Variants in LYN observed in about 807,000 individuals in gnomAD.
The protein encoded by LYN is LYN proto-oncogene, Src family tyrosine kinase.
In LYN, 12 loss-of-function variants were observed where a neutral mutation model predicts 65.0. The observed-to-expected ratio is 0.18, with a 90% CI of 0.12 to 0.30. The LOEUF (loss-of-function observed/expected upper bound fraction) is 0.30, where lower values mean the gene tolerates loss of function less well. Ranked by LOEUF, LYN falls within the 10% of genes least tolerant of loss-of-function variation. The pLI is 1.00. For synonymous variants in LYN, 222 were observed against 221.2 expected, an observed-to-expected ratio of 1.00 and a Z score of -0.03; for missense variants, 380 against 623.2, an observed-to-expected ratio of 0.61 and a Z score of 4.16.
At chr8:55,987,326 C>T (rs551852674) in intron 10 of LYN, among the ~76,000 whole-genome samples, 3 of 151,116 alleles carry the variant, frequency 2.0e-5, no homozygotes, top group Admixed American at 6.6e-5. Context: ...AAGAATTGCT[C>T]GAGCCCCGGA....
At chr8:55,899,248 ATATTCT>A (rs1805195635) in intron 1 of LYN, among the ~76,000 whole-genome samples, 1 of 152,178 alleles carries the variant, frequency 6.6e-6, no homozygotes. Context: ...TGTAATATTG[ATATTCT>A]TGTTATTGAT....
At chr8:55,972,433 G>T (rs1807635247) in intron 10 of LYN, among the ~76,000 whole-genome samples, 1 of 152,120 alleles carries the variant, frequency 6.6e-6, no homozygotes, top group African/African-American at 2.4e-5. Flanking sequence ...TGAGAAAGGG[G>T]TCTTACCCTT....
At chr8:55,913,320 G>T (rs1263266625) in intron 1 of LYN, among the ~76,000 whole-genome samples, 1 of 152,196 alleles carries the variant, frequency 6.6e-6, no homozygotes, top group East Asian at 1.9e-4. Context: ...TAAGTCAAGT[G>T]AGTATAAGAA....
rs139072307 is a variant in LYN at position 55,914,099 on chromosome 8, G to GGT, written c.-5-27740_-5-27739dup. On this transcript the variant is annotated intron_variant, in intron 1 of 12. Coordinates refer to ENST00000519728, the MANE Select transcript of LYN (RefSeq NM_002350.4). ...AATGGAGAGGTGGAGGGTTGTTGTT[G>GGT]GTGTGTGTGTGTGTGTGCACGTATG... Among the ~76,000 whole-genome samples the GGT allele has an allele frequency of 5.1e-3, 774 of 150,542 alleles. 3 individuals carry two copies. The highest frequency in any genetic ancestry group is 0.014 in the South Asian group (67 of 4,746).
At chr8:55,986,217 A>G (rs1808070145) in intron 10 of LYN, among the ~76,000 whole-genome samples, 1 of 147,422 alleles carries the variant, frequency 6.8e-6, no homozygotes, top group African/African-American at 2.5e-5. Context: ...TACCTTATGT[A>G]TATGCTAAGG....
chr8:55,927,538 A>G (rs1431306290), intron 1 of LYN, among the ~76,000 whole-genome samples: 1 of 152,176 alleles, frequency 6.6e-6, no homozygotes, highest in Non-Finnish European at 1.5e-5. Context: ...TTTGTCAATT[A>G]GGAATAAAGC....
At chr8:55,948,636 A>G (rs1372531304) in intron 4 of LYN, among the ~76,000 whole-genome samples, 1 of 152,198 alleles carries the variant, frequency 6.6e-6, no homozygotes, top group Non-Finnish European at 1.5e-5. Context: ...ATTAAATGTC[A>G]CTGTGACCTG....
chr8:55,952,070 C>T lies in LYN; in HGVS notation c.592C>T (p.Arg198Ter). 1 of 1,605,756 alleles carries T rather than the reference C, an allele frequency of 6.2e-7. No individual in the cohort carries two copies. The highest frequency in any genetic ancestry group is 8.5e-7 in the Non-Finnish European group (1 of 1,177,576). Reference protein sequence around the residue: ...LDNGGYYISPRITFPCISDMI... With the variant: ...LDNGGYYISP ...TAATGGGGGCTATTACATCTCTCCA[C>T]GAATCACTTTTCCCTGTATCAGCGA... is the stretch of plus-strand genomic sequence containing the variant. Residue 198 changes from arginine to a stop codon, truncating the protein, a stop_gained, in exon 7 of 13, where the codon CGA becomes TGA. Coordinates refer to ENST00000519728, the MANE Select transcript of LYN (RefSeq NM_002350.4). LOFTEE classifies it high-confidence loss of function.
At chr8:55,923,679 ACAGG>A (rs1806007430) in intron 1 of LYN, among the ~76,000 whole-genome samples, 1 of 152,048 alleles carries the variant, frequency 6.6e-6, no homozygotes, top group Non-Finnish European at 1.5e-5. Context: ...AGCTGGGATT[ACAGG>A]CGCCTGCTGC....
chr8:55,917,188 AAG>A (rs200328994), intron 1 of LYN, among the ~76,000 whole-genome samples: 1 of 150,996 alleles, frequency 6.6e-6, no homozygotes, highest in Non-Finnish European at 1.5e-5. Context: ...AAAAAAAAAA[AAG>A]AGAGAGAGAG....
At position 55,918,684 on chromosome 8, in the gene LYN, G is replaced by C. The variant is rs557304564; in HGVS notation, c.-5-23171G>C. Among the ~76,000 whole-genome samples, 10 of 152,268 alleles carry C rather than the reference G, an allele frequency of 6.6e-5. No individual in the cohort carries two copies. In the South Asian group the frequency reaches 1.9e-3, roughly 28 times the overall value. ...CGGTTAATCCTTACTATGGCCTTGCGGGGTAGGGGGCAGTGTCCTCATTGT... is the reference window on the plus strand; with the variant it reads ...CGGTTAATCCTTACTATGGCCTTGCCGGGTAGGGGGCAGTGTCCTCATTGT... On this transcript the variant is annotated intron_variant, in intron 1 of 12. Transcript: ENST00000519728.
chr8:56,002,700 G>C (rs1054161274), intron 12 of LYN, among the ~76,000 whole-genome samples: 9 of 151,870 alleles, frequency 5.9e-5, no homozygotes, highest in African/African-American at 1.9e-4. Context: ...ATAAAAATAT[G>C]TTTCTCTCTA....
chr8:55,920,763 T>TC (rs1193646013), intron 1 of LYN, among the ~76,000 whole-genome samples: 4 of 49,656 alleles, frequency 8.1e-5, no homozygotes, highest in Admixed American at 2.1e-4. Flanking sequence ...GCTCCGCCCC[T>TC]CCCCCCCTTG....
At chr8:55,917,570 T>C (rs908602746) in intron 1 of LYN, among the ~76,000 whole-genome samples, 3 of 152,172 alleles carry the variant, frequency 2.0e-5, no homozygotes, top group Admixed American at 6.5e-5. Context: ...AGGATAGTGC[T>C]AATGAACTGT....
intron 8 of LYN, among the ~76,000 whole-genome samples, chr8:55,956,402 G>C (rs1234977185): frequency 6.6e-6 from 1 of 152,134 alleles, no homozygotes; most frequent in Admixed American, 6.5e-5. Flanking sequence ...CCTGTCAGGA[G>C]GCATAGTATT....
At chr8:55,909,232 A>AG (rs1417065254) in intron 1 of LYN, among the ~76,000 whole-genome samples, 1 of 152,030 alleles carries the variant, frequency 6.6e-6, no homozygotes, top group Non-Finnish European at 1.5e-5. Context: ...GTGATGGGCC[A>AG]GGGTGCGACT....
chr8:56,003,523 C>A (rs1243611826), intron 12 of LYN, among the ~76,000 whole-genome samples: 1 of 151,996 alleles, frequency 6.6e-6, no homozygotes, highest in Non-Finnish European at 1.5e-5. Flanking sequence ...AAAAAATTAG[C>A]CCGGCGTGGT....
At chr8:55,902,827 CA>C (rs1180734217) in intron 1 of LYN, 1 of 498,918 alleles carries the variant, frequency 2.0e-6, no homozygotes, top group Non-Finnish European at 4.0e-6. Flanking sequence ...CCTTGATCAA[CA>C]GTGCCCATTC....
intron 10 of LYN, among the ~76,000 whole-genome samples, chr8:55,983,012 G>A (rs953817137): frequency 2.0e-5 from 3 of 151,800 alleles, no homozygotes; most frequent in South Asian, 2.1e-4. Flanking sequence ...CATGTCACAC[G>A]CACCTGGTAA....
Sources: allele counts gnomAD v4.1 joint callset (sites outside exome capture counted in the v4.1 genomes callset), GRCh38; gene constraint gnomAD v4.1.1; transcripts MANE v1.5; gene names NCBI Gene and HGNC (gene_info 2026-07-23, HGNC 2026-07-21).